The following GUCY1A2 variants were observed in gnomAD, a reference collection of about 807,000 sequenced individuals.
GUCY1A2 encodes the protein guanylate cyclase 1 soluble subunit alpha 2.
A neutral mutation model predicts 63.5 loss-of-function variants in GUCY1A2; 27 were observed. The ratio of observed to expected loss-of-function variants is 0.43; its 90% CI spans 0.31 to 0.59. The LOEUF (loss-of-function observed/expected upper bound fraction) is 0.59, where lower values mean the gene tolerates loss of function less well. GUCY1A2 is among the 20% of genes least tolerant of loss of function. The pLI is 0.11. For missense variants in GUCY1A2, 768 were observed against 913.3 expected (o/e 0.84, Z 2.05); for synonymous variants, 364 against 343.5 (o/e 1.06, Z -0.66).
At chr11:106,949,419 T>C (rs1860874590) in intron 3 of GUCY1A2, among the ~76,000 whole-genome samples, 1 of 152,182 alleles carries the variant, frequency 6.6e-6, no homozygotes, top group Admixed American at 6.6e-5. Context: ...CAGGCTTCTG[T>C]ACATGGCTGG....
At chr11:106,966,278 T>C (rs1374435289) in intron 3 of GUCY1A2, among the ~76,000 whole-genome samples, 1 of 152,084 alleles carries the variant, frequency 6.6e-6, no homozygotes, top group Non-Finnish European at 1.5e-5. Flanking sequence ...GGCTAGTTTT[T>C]ATATTTTTAG....
intron 1 of GUCY1A2, among the ~76,000 whole-genome samples, chr11:107,010,822 C>A (rs1861732930): frequency 6.6e-6 from 1 of 152,120 alleles, no homozygotes; most frequent in South Asian, 2.1e-4. Flanking sequence ...CCTCCCCCTC[C>A]CACTTTCAGG....
intron 1 of GUCY1A2, among the ~76,000 whole-genome samples, chr11:107,001,694 C>G (rs1565356284): frequency 6.6e-6 from 1 of 151,600 alleles, no homozygotes; most frequent in East Asian, 1.9e-4. Context: ...AAAAAAAAAT[C>G]TTTACATTCA....
At chr11:106,778,209 A>G (rs1864394048) in intron 5 of GUCY1A2, among the ~76,000 whole-genome samples, 2 of 152,164 alleles carry the variant, frequency 1.3e-5, no homozygotes, top group South Asian at 4.1e-4. Flanking sequence ...AAGTGATGAA[A>G]AATTGTACTA....
chr11:106,827,091 A>T, intron 4 of GUCY1A2: 2 of 1,496,212 alleles, frequency 1.3e-6, no homozygotes, highest in Non-Finnish European at 1.9e-6. Context: ...ACTCATCCTG[A>T]AGGTAGATTT....
At chr11:106,847,240 AAATAT>A (rs963797430) in intron 4 of GUCY1A2, among the ~76,000 whole-genome samples, 40 of 145,458 alleles carry the variant, frequency 2.7e-4, no homozygotes, top group African/African-American at 1.0e-3. Flanking sequence ...TCAAAAAAAA[AAATAT>A]ATATATATAT....
intron 6 of GUCY1A2, among the ~76,000 whole-genome samples, chr11:106,744,377 G>T (rs953379586): frequency 6.6e-6 from 1 of 151,770 alleles, no homozygotes; most frequent in East Asian, 1.9e-4. Context: ...CTCCTGAGTA[G>T]CTGGGACTAC....
chr11:106,864,658 A>G (rs1225274975), intron 4 of GUCY1A2, among the ~76,000 whole-genome samples: 3 of 152,150 alleles, frequency 2.0e-5, no homozygotes, highest in Non-Finnish European at 2.9e-5. Flanking sequence ...CCTTTTCTGC[A>G]TCTATTGAGA....
chr11:106,800,080 T>C (rs61905196), intron 5 of GUCY1A2, among the ~76,000 whole-genome samples: 3,499 of 152,250 alleles, frequency 0.023, 65 homozygotes, highest in Middle Eastern at 0.068. Flanking sequence ...GGGCGAAGGA[T>C]ATGAACAGAC....
intron 4 of GUCY1A2, among the ~76,000 whole-genome samples, chr11:106,887,668 T>C (rs1859917557): frequency 6.6e-6 from 1 of 152,146 alleles, no homozygotes; most frequent in South Asian, 2.1e-4. Flanking sequence ...CCTTATGTTG[T>C]ATCATGGCTA....
In GUCY1A2 at chr11:106,675,172, T is replaced by A. The variant is rs1862324174; in HGVS notation, c.*12377A>T. On this transcript the variant is annotated 3_prime_UTR_variant, in exon 8 of 8. Transcript: ENST00000526355. ...GCACTTAATCAGTATTTTAAAAGCA[T>A]AATGAGACAGTTTTGTCACTTAATT... 1 of 209,524 alleles carries A rather than the reference T, an allele frequency of 4.8e-6. No homozygotes were observed. Among genetic ancestry groups the A allele is most frequent in the Non-Finnish European group, 9.7e-6 (1 of 103,014 alleles). The allele number at this position is 209,524 out of a possible 1,614,324, so 13.0% of individuals were successfully genotyped here. A position where few individuals can be genotyped will look rare whatever the true frequency, so the allele number is the denominator to read the frequency against.
At chr11:106,839,001 T>A (rs1342740010) in intron 4 of GUCY1A2, among the ~76,000 whole-genome samples, 3 of 152,142 alleles carry the variant, frequency 2.0e-5, no homozygotes, top group African/African-American at 7.2e-5. Flanking sequence ...TTTGTCAATT[T>A]TGGCTTTTGT....
At chr11:107,002,659 C>T (rs943615499) in intron 1 of GUCY1A2, among the ~76,000 whole-genome samples, 2 of 152,054 alleles carry the variant, frequency 1.3e-5, no homozygotes, top group African/African-American at 2.4e-5. Context: ...ATGTACTCTC[C>T]ATGACTTGAG....
rs140604718 is a variant in GUCY1A2, at chr11:107,014,277, C to T, written c.303+3476G>A. Among the ~76,000 whole-genome samples, 717 of 151,778 alleles carry T rather than the reference C, an allele frequency of 4.7e-3. 2 individuals carry two copies. Among genetic ancestry groups the T allele is most frequent in the African/African-American group, 0.017 (694 of 41,424 alleles). ...CTAATTTTTGTATTTTTAGTAGAGA[C>T]GGGGTTTCACCATGTTGACCAGGAT... On this transcript the variant is annotated intron_variant, in intron 1 of 7. Coordinates refer to ENST00000526355, the MANE Select transcript of GUCY1A2 (RefSeq NM_000855.3).
At chr11:106,799,169 C>T (rs1030197784) in intron 5 of GUCY1A2, among the ~76,000 whole-genome samples, 13 of 152,032 alleles carry the variant, frequency 8.6e-5, no homozygotes, top group African/African-American at 3.1e-4. Flanking sequence ...GAATAAAATA[C>T]CTAGGAATCC....
intron 4 of GUCY1A2, among the ~76,000 whole-genome samples, chr11:106,901,570 T>G (rs753513062): frequency 6.6e-6 from 1 of 152,192 alleles, no homozygotes; most frequent in Non-Finnish European, 1.5e-5. Context: ...TGTATACATA[T>G]GCCATGTTGG....
At chr11:106,719,778 TA>T (rs1408030755) in intron 6 of GUCY1A2, among the ~76,000 whole-genome samples, 1 of 152,216 alleles carries the variant, frequency 6.6e-6, no homozygotes, top group Non-Finnish European at 1.5e-5. Context: ...TTGGGATTTT[TA>T]ACCCTCCCTA....
intron 5 of GUCY1A2, among the ~76,000 whole-genome samples, chr11:106,793,935 C>A (rs1308759161): frequency 6.6e-6 from 1 of 152,066 alleles, no homozygotes; most frequent in Non-Finnish European, 1.5e-5. Flanking sequence ...ATGGAAAACA[C>A]AATGGAGGTT....
intron 3 of GUCY1A2, among the ~76,000 whole-genome samples, chr11:106,970,276 G>A (rs990725798): frequency 1.3e-5 from 2 of 152,126 alleles, no homozygotes; most frequent in African/African-American, 2.4e-5. Context: ...TCATTTCCCA[G>A]TGAATAAATG....
Sources: allele counts gnomAD v4.1 joint callset (sites outside exome capture counted in the v4.1 genomes callset), GRCh38; gene constraint gnomAD v4.1.1; transcripts MANE v1.5; gene names NCBI Gene and HGNC (gene_info 2026-07-23, HGNC 2026-07-21).